PRKD1: variants seen among roughly 807,000 people sequenced by gnomAD.
PRKD1 encodes the protein protein kinase D1.
In PRKD1, 63 loss-of-function variants were observed where a neutral mutation model predicts 95.9. The observed-to-expected ratio is 0.66, with a 90% confidence interval of 0.54 to 0.81. The LOEUF is 0.81. Among genes scored for constraint, PRKD1 ranks in the 30% least tolerant of loss-of-function variants. The probability of loss-of-function intolerance (pLI) is 0.00; values close to 1 mark genes in which losing one functional copy is unlikely to be tolerated. For synonymous variants in PRKD1, 425 were observed against 423.1 expected (o/e 1.00, Z -0.05); for missense variants, 1,048 against 1,165.3 (o/e 0.90, Z 1.47).
At chr14:29,668,368 T>A (rs187282773) in intron 2 of PRKD1, among the ~76,000 whole-genome samples, 5 of 152,306 alleles carry the variant, frequency 3.3e-5, no homozygotes, top group Admixed American at 2.0e-4. Context: ...GGCTATCTGT[T>A]AGTCTGTCAT....
intron 16 of PRKD1, 130 bp from the exon 17 acceptor site, chr14:29,578,490 A>C (rs1312541432): frequency 6.7e-6 from 3 of 447,580 alleles, no homozygotes; most frequent in African/African-American, 4.1e-5. Context: ...GAACCAAAAA[A>C]AAAAATCCTC....
intron 2 of PRKD1, among the ~76,000 whole-genome samples, chr14:29,700,986 G>GCACACA (rs779729017): frequency 3.8e-5 from 2 of 52,314 alleles, no homozygotes; most frequent in African/African-American, 1.3e-4. Context: ...GCGCGCGCGC[G>GCACACA]CGCACACACA....
chr14:29,801,758 G>A (rs1031226782), intron 1 of PRKD1, among the ~76,000 whole-genome samples: 6 of 152,006 alleles, frequency 3.9e-5, no homozygotes, highest in African/African-American at 1.2e-4. Flanking sequence ...GCACAATCTC[G>A]GCTCATCGCA....
At chr14:29,629,390 C>T (rs1181860863) in intron 10 of PRKD1, among the ~76,000 whole-genome samples, 27 of 152,302 alleles carry the variant, frequency 1.8e-4, no homozygotes, top group Admixed American at 2.0e-4. Context: ...GACAACTTAA[C>T]CTCGCTCGAG....
intron 1 of PRKD1, among the ~76,000 whole-genome samples, chr14:29,811,584 G>A (rs1453037406): frequency 6.6e-6 from 1 of 152,194 alleles, no homozygotes; most frequent in Non-Finnish European, 1.5e-5. Context: ...TCTAAGACCT[G>A]TGGGGCTCCT....
chr14:29,894,720 T>C (rs1355292657), intron 1 of PRKD1, among the ~76,000 whole-genome samples: 1 of 152,116 alleles, frequency 6.6e-6, no homozygotes, highest in Non-Finnish European at 1.5e-5. Context: ...GATTACATGG[T>C]GGAGAGAGGA....
chr14:29,911,366 C>A (rs1431735714), intron 1 of PRKD1, among the ~76,000 whole-genome samples: 1 of 152,052 alleles, frequency 6.6e-6, no homozygotes, highest in Admixed American at 6.6e-5. Context: ...TTTTTAAGTT[C>A]TACTAGAAAG....
chr14:29,592,286 C>G (rs1015417419), intron 16 of PRKD1, among the ~76,000 whole-genome samples: 1 of 152,090 alleles, frequency 6.6e-6, no homozygotes, highest in Non-Finnish European at 1.5e-5. Context: ...TTCCCACACT[C>G]TTTCCCCATG....
chr14:29,868,839 C>T (rs960160599), intron 1 of PRKD1, among the ~76,000 whole-genome samples: 16 of 152,156 alleles, frequency 1.1e-4, no homozygotes, highest in African/African-American at 3.4e-4. Context: ...CCTATGGAAA[C>T]ATGCATTCTA....
intron 1 of PRKD1, among the ~76,000 whole-genome samples, chr14:29,768,979 C>T (rs949264249): frequency 1.3e-5 from 2 of 152,160 alleles, no homozygotes; most frequent in Non-Finnish European, 2.9e-5. Flanking sequence ...TTTACATTTC[C>T]TTCTGCCCAC....
chr14:29,837,952 C>T (rs1891675315), intron 1 of PRKD1, among the ~76,000 whole-genome samples: 2 of 152,140 alleles, frequency 1.3e-5, no homozygotes, highest in South Asian at 4.1e-4. Flanking sequence ...CTTGATTAGT[C>T]AATATGGTAC....
At chr14:29,838,573 CCCA>C (rs889052831) in intron 1 of PRKD1, among the ~76,000 whole-genome samples, 1 of 152,088 alleles carries the variant, frequency 6.6e-6, no homozygotes, top group Non-Finnish European at 1.5e-5. Flanking sequence ...CTGTATGATA[CCCA>C]TATTTGCTGC....
chr14:29,676,192 T>TTGTTGTTTTTTTG (rs61509628), intron 2 of PRKD1, among the ~76,000 whole-genome samples: 4 of 128,528 alleles, frequency 3.1e-5, no homozygotes, highest in African/African-American at 1.2e-4. Context: ...TGTTTTTTTT[T>TTGTTGTTTTTTTG]TTTTTTTTTT....
intron 11 of PRKD1, 134 bp downstream of exon 11, chr14:29,628,907 A>G (rs796650392): frequency 4.5e-5 from 14 of 309,018 alleles, no homozygotes; most frequent in African/African-American, 1.3e-4. Context: ...AAATATCACA[A>G]AAAAATATCC....
intron 1 of PRKD1, among the ~76,000 whole-genome samples, chr14:29,819,196 T>C (rs892391568): frequency 7.9e-5 from 12 of 152,176 alleles, no homozygotes; most frequent in African/African-American, 1.2e-4. Context: ...AACTGAAATA[T>C]AAATGGTAGG....
At chr14:29,891,045 C>A (rs948079840) in intron 1 of PRKD1, among the ~76,000 whole-genome samples, 3 of 152,102 alleles carry the variant, frequency 2.0e-5, no homozygotes, top group Admixed American at 6.5e-5. Context: ...ATGTAATTAA[C>A]AAATGCCTGC....
chr14:29,704,139 G>A (rs1259233250), intron 2 of PRKD1, among the ~76,000 whole-genome samples: 2 of 152,140 alleles, frequency 1.3e-5, no homozygotes, highest in Non-Finnish European at 2.9e-5. Context: ...CTGAGAAAGG[G>A]TATCTAGTGA....
At chr14:29,727,628 C>T (rs1031282500) in intron 1 of PRKD1, among the ~76,000 whole-genome samples, 2 of 151,048 alleles carry the variant, frequency 1.3e-5, no homozygotes, top group Admixed American at 6.6e-5. Flanking sequence ...GCCAGTTTTC[C>T]CAGCACCATT....
At chr14:29,741,082 C>G (rs1467648074) in intron 1 of PRKD1, among the ~76,000 whole-genome samples, 1 of 152,028 alleles carries the variant, frequency 6.6e-6, no homozygotes, top group Non-Finnish European at 1.5e-5. Context: ...AAGAAAGGAA[C>G]AACAGACATT....
Sources: gnomAD v4.1 joint callset for allele counts (sites outside exome capture counted in the v4.1 genomes callset) on GRCh38, gnomAD v4.1.1 for gene constraint, MANE v1.5 for transcripts, NCBI Gene and HGNC (gene_info 2026-07-23, HGNC 2026-07-21) for gene names.